Variants in CHL1 observed in about 807,000 individuals in gnomAD.
CHL1 encodes the protein cell adhesion molecule L1 like, also known as neural cell adhesion molecule L1-like protein.
CHL1 carries 96 observed loss-of-function variants against 141.9 expected under a neutral mutation model. The observed-to-expected ratio is 0.68, with a 90% confidence interval of 0.57 to 0.80. The LOEUF (loss-of-function observed/expected upper bound fraction) is 0.80. Among genes scored for constraint, CHL1 ranks in the 30% least tolerant of loss-of-function variants. CHL1 has a pLI of 0.00. For synonymous variants in CHL1, 613 were observed against 502.2 expected (o/e 1.22, Z -2.95); for missense variants, 1,820 against 1,457.2 (o/e 1.25, Z -4.05).
chr3:257,411 T>G (rs968490564), intron 2 of CHL1, among the ~76,000 whole-genome samples: 9 of 151,010 alleles, frequency 6.0e-5, no homozygotes, highest in Non-Finnish European at 1.3e-4. Flanking sequence ...TGGAGTGCAG[T>G]GGCACCACCT....
chr3:349,702 G>C (rs1703082245), intron 10 of CHL1, among the ~76,000 whole-genome samples, 159 bp downstream of exon 10: 1 of 152,138 alleles, frequency 6.6e-6, no homozygotes, highest in South Asian at 2.1e-4. Context: ...CAACTAAGCA[G>C]GTTTGTCATT....
chr3:230,927 T>C (rs541345019), intron 1 of CHL1, among the ~76,000 whole-genome samples: 9 of 152,280 alleles, frequency 5.9e-5, no homozygotes. Flanking sequence ...TAGATTGTGC[T>C]CATGAAGGCA....
rs558204991 is a variant in CHL1 at position 199,849 on chromosome 3, A to G, written c.-175+2786A>G. Among the ~76,000 whole-genome samples the G allele has an allele frequency of 3.3e-5, 5 of 152,342 alleles. No individual in the cohort carries two copies. The East Asian group carries it at 9.6e-4, about 29-fold the overall frequency. On this transcript the variant is annotated intron_variant, in intron 1 of 27. Transcript: ENST00000256509. ...CCTGATTCGCTTTTATAGAAAAATA[A>G]GGGTAACGATCAAGACTGATTTAAG...
intron 2 of CHL1, among the ~76,000 whole-genome samples, chr3:296,479 G>A (rs1395890295): frequency 6.6e-6 from 1 of 150,674 alleles, no homozygotes; most frequent in Non-Finnish European, 1.5e-5. Context: ...ATTTGTCACT[G>A]ACCTCTTCAT....
chr3:311,931 T>C (rs559136042), intron 2 of CHL1, among the ~76,000 whole-genome samples: 1 of 152,318 alleles, frequency 6.6e-6, no homozygotes, highest in Non-Finnish European at 1.5e-5. Context: ...CAAATGACCA[T>C]GAATTTCCGT....
At chr3:230,009 T>G (rs1351517736) in intron 1 of CHL1, among the ~76,000 whole-genome samples, 1 of 152,090 alleles carries the variant, frequency 6.6e-6, no homozygotes, top group Non-Finnish European at 1.5e-5. Context: ...TCCCCGTGAG[T>G]TTCTATAGTA....
intron 1 of CHL1, among the ~76,000 whole-genome samples, chr3:204,641 G>A (rs1699250088): frequency 6.6e-6 from 1 of 152,130 alleles, no homozygotes; most frequent in African/African-American, 2.4e-5. Flanking sequence ...CAGAATATTA[G>A]CTTATTATGG....
intron 2 of CHL1, among the ~76,000 whole-genome samples, chr3:255,716 A>T (rs1477423193): frequency 1.3e-5 from 2 of 152,208 alleles, no homozygotes; most frequent in African/African-American, 4.8e-5. Flanking sequence ...GTATTTCCTG[A>T]CAACCTAGAA....
chr3:334,406 CA>C (rs934328487), intron 5 of CHL1, among the ~76,000 whole-genome samples: 2 of 152,124 alleles, frequency 1.3e-5, no homozygotes, highest in Non-Finnish European at 2.9e-5. Flanking sequence ...TCCATCACCA[CA>C]AAAAGATTTC....
chr3:403,612 C>G (rs1460250401), intron 27 of CHL1, among the ~76,000 whole-genome samples: 5 of 152,178 alleles, frequency 3.3e-5, no homozygotes, highest in East Asian at 1.9e-4. Flanking sequence ...AATATTAGCT[C>G]AATTTTACAG....
At chr3:294,087 G>A (rs1020302199) in intron 2 of CHL1, among the ~76,000 whole-genome samples, 10 of 152,078 alleles carry the variant, frequency 6.6e-5, no homozygotes, top group African/African-American at 2.4e-4. Context: ...GGGAGGCCGA[G>A]GCAGGCAGAT....
At chr3:382,097 C>A in intron 16 of CHL1, 82 bp from the exon 17 acceptor site, 1 of 1,201,192 alleles carries the variant, frequency 8.3e-7, no homozygotes, top group Non-Finnish European at 1.2e-6. Context: ...CCTCTGTCTC[C>A]GGGTAGCTGG....
intron 1 of CHL1, among the ~76,000 whole-genome samples, chr3:225,129 A>G (rs1210581497): frequency 1.3e-5 from 2 of 152,204 alleles, no homozygotes; most frequent in African/African-American, 4.8e-5. Flanking sequence ...GTGAGACTCT[A>G]TCTCAAAAAG....
intron 9 of CHL1, among the ~76,000 whole-genome samples, chr3:347,104 T>C (rs1369351682): frequency 5.3e-5 from 8 of 152,186 alleles, no homozygotes; most frequent in African/African-American, 1.9e-4. Context: ...TGAACAAATG[T>C]GTTTTGAGGG....
intron 23 of CHL1, among the ~76,000 whole-genome samples, chr3:393,543 G>GC (rs1448309056): frequency 6.6e-6 from 1 of 151,832 alleles, no homozygotes; most frequent in Admixed American, 6.6e-5. Context: ...TTATTGAACT[G>GC]CTTGATATGT....
chr3:330,348 A>G (rs1225290335), intron 5 of CHL1, among the ~76,000 whole-genome samples: 1 of 152,128 alleles, frequency 6.6e-6, no homozygotes, highest in Admixed American at 6.5e-5. Flanking sequence ...ATTTAGAGGG[A>G]TCTTTATCAT....
chr3:239,696 A>G (rs1410823055), intron 1 of CHL1, among the ~76,000 whole-genome samples: 2 of 151,392 alleles, frequency 1.3e-5, no homozygotes, highest in Non-Finnish European at 2.9e-5. Flanking sequence ...ATTTTGGTGC[A>G]CTCATTACCC....
At chr3:358,269 C>T (rs971716860) in intron 11 of CHL1, among the ~76,000 whole-genome samples, 4 of 152,132 alleles carry the variant, frequency 2.6e-5, no homozygotes, top group African/African-American at 4.8e-5. Flanking sequence ...TCCCTTCCGC[C>T]ATTTTGAAAG....
At position 340,855 on chromosome 3, in the gene CHL1, T is replaced by A; in HGVS notation, c.447T>A (p.Ile149=). ...DPLEVEEGDP[I]VLPCNPPKGL... ...TTGAAGTGGAGGAGGGAGATCCAAT[T>A]GTCCTCCCATGCAATCCTCCCAAAG... Residue 149 remains isoleucine (I), a synonymous_variant, in exon 6 of 28, where the codon ATT becomes ATA. Coordinates refer to ENST00000256509, the MANE Select transcript of CHL1 (RefSeq NM_006614.4). 1 of 1,610,078 alleles carries A rather than the reference T, an allele frequency of 6.2e-7. No individual in the cohort carries two copies. The highest frequency in any genetic ancestry group is 1.1e-5 in the South Asian group (1 of 90,966).
Sources: gnomAD v4.1 joint callset for allele counts (sites outside exome capture counted in the v4.1 genomes callset) on GRCh38, gnomAD v4.1.1 for gene constraint, MANE v1.5 for transcripts, NCBI Gene and HGNC (gene_info 2026-07-23, HGNC 2026-07-21) for gene names.